SRCIN1: variants seen among roughly 807,000 people sequenced by gnomAD.
SRCIN1 encodes the protein P130Cas-associated protein.
A neutral mutation model predicts 116.2 loss-of-function variants in SRCIN1; 50 were observed. The ratio of observed to expected loss-of-function variants is 0.43; its 90% CI spans 0.34 to 0.54. The LOEUF (loss-of-function observed/expected upper bound fraction) is 0.54, where lower values mean the gene tolerates loss of function less well. SRCIN1 is among the 20% of genes least tolerant of loss of function. The pLI, the probability that SRCIN1 is intolerant of heterozygous loss-of-function variation, is 0.02. For missense variants in SRCIN1, 1,446 were observed against 1,672.0 expected (o/e 0.86, Z 2.36); for synonymous variants, 736 against 750.0 (o/e 0.98, Z 0.30).
chr17:38,555,805 C>T (rs971715813), intron 11 of SRCIN1, among the ~76,000 whole-genome samples: 1 of 152,200 alleles, frequency 6.6e-6, no homozygotes, highest in African/African-American at 2.4e-5. Flanking sequence ...AACAATTCCC[C>T]TGCTCATATG....
chr17:38,605,070 AG>A (rs919757509), intron 1 of SRCIN1, among the ~76,000 whole-genome samples: 1 of 151,494 alleles, frequency 6.6e-6, no homozygotes, highest in East Asian at 2.0e-4. Flanking sequence ...AGGTGCGGGG[AG>A]GGGGGGTGTG....
At position 38,561,514 on chromosome 17, in the gene SRCIN1, C is replaced by T; in HGVS notation, c.1649G>A (p.Arg550His). ...TGGCGGCCCGAACCCAACCAGCGAG[C>T]GTTCCCCAGGCCCAGGGAAGAGCTC... ...PSELFPGPGE[R>H]SLVGFGPPVP... The change falls in exon 7 of 19, where the codon CGC (arginine) becomes CAC (histidine). Residue 550 changes from arginine (R) to histidine (H), a missense_variant. This residue lies in a region of SRCIN1 where 398 missense variants were observed against 385.6 expected (regional missense o/e 1.03). Transcript: ENST00000617146. 3 of 1,596,786 alleles carry T rather than the reference C, an allele frequency of 1.9e-6. No individual in the cohort carries two copies. The highest frequency in any genetic ancestry group is 2.5e-6 in the Non-Finnish European group (3 of 1,177,128).
Position 38,531,343 on chromosome 17 carries a change from C to G in SRCIN1, c.*1954G>C, listed in dbSNP as rs1451543160. ...CCAGGCCGACGTGCCCGCCCCCCAGCCCCCCTCCCCCGCCAAAACAGTGGC... is the reference window on the plus strand; with the variant it reads ...CCAGGCCGACGTGCCCGCCCCCCAGGCCCCCTCCCCCGCCAAAACAGTGGC... On this transcript the variant is annotated 3_prime_UTR_variant, in exon 19 of 19. Transcript: ENST00000617146. The G allele has an allele frequency of 6.6e-6, 1 of 150,408 alleles. No individual in the cohort carries two copies. The highest frequency in any genetic ancestry group is 1.5e-5 in the Non-Finnish European group (1 of 67,524). The allele number at this position is 150,408 out of a possible 1,614,324, so 9.3% of individuals were successfully genotyped here.
rs369115010 is a variant in SRCIN1, at chr17:38,543,892, C to T, written c.3348G>A (p.Ala1116=). The change falls in exon 18 of 19, where the codon GCG becomes GCA. Residue 1116 remains alanine, a synonymous_variant. Transcript: ENST00000617146. ...ASRLKAAQGQ[A]GSPDKSKHGK... is the part of the protein sequence containing the mutation. Reference sequence around the variant, plus strand: ...CATGTTTGCTTTTGTCGGGGCTGCCCGCCTGGCCCTGGGCCGCCTTCAGCC... The same window carrying T: ...CATGTTTGCTTTTGTCGGGGCTGCCTGCCTGGCCCTGGGCCGCCTTCAGCC... The T allele has an allele frequency of 2.4e-5, 39 of 1,606,900 alleles. No homozygotes were observed. Among genetic ancestry groups the T allele is most frequent in the East Asian group, 6.7e-5 (3 of 44,866 alleles).
intron 17 of SRCIN1, 134 bp downstream of exon 17, chr17:38,548,423 G>A (rs1905190769): frequency 4.7e-6 from 5 of 1,061,652 alleles, no homozygotes; most frequent in East Asian, 2.4e-5. Flanking sequence ...AAAGGCTGGG[G>A]TCTGAACAGC....
intron 1 of SRCIN1, among the ~76,000 whole-genome samples, chr17:38,583,539 T>A (rs1003681447): frequency 6.7e-6 from 1 of 148,202 alleles, no homozygotes; most frequent in African/African-American, 2.6e-5. Context: ...TTTCTTTTTT[T>A]CATTTTCTGT....
intron 11 of SRCIN1, among the ~76,000 whole-genome samples, chr17:38,553,843 T>A (rs1905607915): frequency 6.6e-6 from 1 of 152,138 alleles, no homozygotes; most frequent in African/African-American, 2.4e-5. Flanking sequence ...CACTCTGCCC[T>A]TGCCAGAGGA....
In SRCIN1 at chr17:38,559,577, G is replaced by A; in HGVS notation, c.2025+8C>T. The A allele has an allele frequency of 3.1e-6, 5 of 1,597,832 alleles. No homozygotes were observed. Among genetic ancestry groups the A allele is most frequent in the Admixed American group, 1.7e-5 (1 of 59,766 alleles). The stretch of plus-strand genomic sequence containing the variant: ...GTTGGTGGGGCGGGGCCCAGGACGG[G>A]GCGGTACCTGGAGCTTGCGCAACTG... On this transcript the variant is annotated splice_region_variant and intron_variant, in intron 10 of 18. Coordinates refer to ENST00000617146, the MANE Select transcript of SRCIN1 (RefSeq NM_025248.3).
chr17:38,578,457 C>CGCAGCG, intron 2 of SRCIN1, 33 bp downstream of exon 2: 1 of 1,537,060 alleles, frequency 6.5e-7, no homozygotes, highest in Non-Finnish European at 8.8e-7. Flanking sequence ...TGGCCGCGGC[C>CGCAGCG]GCAGCCGCAG....
At position 38,563,622 on chromosome 17, in the gene SRCIN1, G is replaced by C. The variant is rs1171861145; in HGVS notation, c.542-101C>G. The C allele has an allele frequency of 4.1e-6, 6 of 1,467,736 alleles. No individual in the cohort carries two copies. The highest frequency in any genetic ancestry group is 5.5e-6 in the Non-Finnish European group (6 of 1,084,740). The allele number at this position is 1,467,736 out of a possible 1,614,324, so 90.9% of individuals were successfully genotyped here. On this transcript the variant is annotated intron_variant, in intron 4 of 18. Coordinates refer to ENST00000617146, the MANE Select transcript of SRCIN1 (RefSeq NM_025248.3). The surrounding 1 kb of genome is among the most constrained non-coding windows in gnomAD (Gnocchi z 5.8). ...TCGGAGCTGCGCCAGCCCCGCAGCG[G>C]CAGGGTCTGAGGCTAGACGCCGCCC...
At chr17:38,597,142 T>C (rs1408667999) in intron 1 of SRCIN1, among the ~76,000 whole-genome samples, 69 of 152,170 alleles carry the variant, frequency 4.5e-4, no homozygotes, top group Admixed American at 4.5e-3. Context: ...ACCGATTACC[T>C]AAAACATCGA....
intron 1 of SRCIN1, among the ~76,000 whole-genome samples, chr17:38,582,499 C>T (rs1182545006): frequency 1.3e-5 from 2 of 152,232 alleles, no homozygotes; most frequent in African/African-American, 2.4e-5. Context: ...GCAGCCTGCA[C>T]AGACAGGGAA....
chr17:38,571,021 T>C (rs1487673278), intron 2 of SRCIN1, among the ~76,000 whole-genome samples: 1 of 152,216 alleles, frequency 6.6e-6, no homozygotes, highest in African/African-American at 2.4e-5. Context: ...CTCTTTCATG[T>C]TGACCCCACC....
intron 1 of SRCIN1, among the ~76,000 whole-genome samples, chr17:38,603,233 G>C (rs951427726): frequency 5.9e-5 from 9 of 152,106 alleles, no homozygotes; most frequent in Non-Finnish European, 1.3e-4. Flanking sequence ...GAAAGAGAGA[G>C]AGAGAGCGCG....
Position 38,556,660 on chromosome 17 carries a change from A to C in SRCIN1, c.2201+1567T>G, listed in dbSNP as rs568521814. On this transcript the variant is annotated intron_variant, in intron 11 of 18. Coordinates refer to ENST00000617146, the MANE Select transcript of SRCIN1 (RefSeq NM_025248.3). ...CCAGGTTGGAGCCCAGTATCTGCCC[A>C]ACCCAGAAGAAGCAGGAGTCCCCTT... 1.6e-4 allele frequency among the ~76,000 whole-genome samples: 25 copies of C among 152,362 alleles called. No homozygotes were observed. In the South Asian group the frequency reaches 5.0e-3, roughly 30 times the overall value.
intron 18 of SRCIN1, among the ~76,000 whole-genome samples, chr17:38,535,747 C>T (rs534812691): frequency 1.3e-5 from 2 of 152,296 alleles, no homozygotes; most frequent in East Asian, 1.9e-4. Flanking sequence ...CTCCTCTGCT[C>T]TAGCCTTTCC....
chr17:38,568,067 C>G lies in SRCIN1; in HGVS notation c.345+144G>C. ...ACTCTCCCAAAGCAGCAGCCACAGC[C>G]TGCAGCCCCGAGGCCCACCGCCCAT... is the stretch of plus-strand genomic sequence containing the variant. On this transcript the variant is annotated intron_variant, in intron 3 of 18. Transcript: ENST00000617146. This position sits in a 1 kb window ranked among gnomAD's most constrained non-coding sequence, Gnocchi z 4.5. The G allele has an allele frequency of 9.9e-7, 1 of 1,010,984 alleles. No homozygotes were observed. The allele number at this position is 1,010,984 out of a possible 1,614,324, so 62.6% of individuals were successfully genotyped here.
intron 17 of SRCIN1, among the ~76,000 whole-genome samples, chr17:38,548,110 C>T (rs936857714): frequency 6.6e-5 from 10 of 152,234 alleles, no homozygotes; most frequent in Admixed American, 2.6e-4. Context: ...TGGCTGAGAA[C>T]GCTTGAGTGT....
rs1904972021 is a variant in SRCIN1, at chr17:38,544,712, T to G, written c.3271-743A>C. On this transcript the variant is annotated intron_variant, in intron 17 of 18. Transcript: ENST00000617146. This position sits in a 1 kb window ranked among gnomAD's most constrained non-coding sequence, Gnocchi z 4.5. The stretch of plus-strand genomic sequence containing the variant: ...TTCCCAGCCTCCCCCGGACTCTGCC[T>G]GCAAACCCTGCTCTGGCACCAGGCT... The G allele has an allele frequency of 6.6e-6, 1 of 152,126 alleles. No individual in the cohort carries two copies. Among genetic ancestry groups the G allele is most frequent in the African/African-American group, 2.4e-5 (1 of 41,424 alleles). 9.4% of individuals were successfully genotyped at this position (152,126 alleles called of 1,614,324 possible).
Sources: gnomAD v4.1 joint callset for allele counts (sites outside exome capture counted in the v4.1 genomes callset) on GRCh38, gnomAD v4.1.1 for gene constraint, gnomAD v4.1.1 regional missense constraint, Gnocchi (gnomAD v3.1) non-coding constraint, MANE v1.5 for transcripts, NCBI Gene and HGNC (gene_info 2026-07-23, HGNC 2026-07-21) for gene names.